CTNNA3: variants seen among roughly 807,000 people sequenced by gnomAD.
The protein encoded by CTNNA3 is catenin alpha-3.
A neutral mutation model predicts 95.7 loss-of-function variants in CTNNA3; 76 were observed. The ratio of observed to expected loss-of-function variants is 0.79; its 90% CI spans 0.66 to 0.96. The LOEUF (loss-of-function observed/expected upper bound fraction) is 0.96. Among genes scored for constraint, CTNNA3 ranks in the 40% least tolerant of loss-of-function variants. CTNNA3 has a pLI of 0.00. For missense variants in CTNNA3, 1,191 were observed against 1,089.8 expected, an observed-to-expected ratio of 1.09 and a Z score of -1.31; for synonymous variants, 431 against 374.4, an observed-to-expected ratio of 1.15 and a Z score of -1.74.
intron 7 of CTNNA3, among the ~76,000 whole-genome samples, chr10:67,042,882 A>T (rs1589650619): frequency 6.6e-6 from 1 of 152,164 alleles, no homozygotes; most frequent in East Asian, 1.9e-4. Context: ...GCAATAGACC[A>T]GAGGGTTTAA....
At chr10:67,689,553 G>A (rs560598295) in intron 1 of CTNNA3, among the ~76,000 whole-genome samples, 1 of 152,270 alleles carries the variant, frequency 6.6e-6, no homozygotes, top group Non-Finnish European at 1.5e-5. Flanking sequence ...GGACCCAGGA[G>A]GCAAGGGTCA....
intron 14 of CTNNA3, among the ~76,000 whole-genome samples, chr10:66,084,486 T>A (rs921385087): frequency 1.3e-5 from 2 of 152,186 alleles, no homozygotes; most frequent in African/African-American, 4.8e-5. Context: ...AAATTGAAGA[T>A]GATTTCTAAA....
At chr10:66,446,777 C>T (rs2093425326) in intron 11 of CTNNA3, among the ~76,000 whole-genome samples, 1 of 152,024 alleles carries the variant, frequency 6.6e-6, no homozygotes, top group Non-Finnish European at 1.5e-5. Flanking sequence ...GACAGGGATG[C>T]CCTCTCTCAC....
At chr10:66,310,404 C>T (rs1026721477) in intron 12 of CTNNA3, among the ~76,000 whole-genome samples, 12 of 152,220 alleles carry the variant, frequency 7.9e-5, no homozygotes, top group African/African-American at 2.9e-4. Flanking sequence ...TAGTTCAGTA[C>T]CCCACGATCC....
chr10:66,962,435 G>C (rs1382428554), intron 7 of CTNNA3, among the ~76,000 whole-genome samples: 1 of 149,222 alleles, frequency 6.7e-6, no homozygotes, highest in Non-Finnish European at 1.5e-5. Context: ...TTTTGAGACA[G>C]AGTCTCACTC....
At chr10:66,427,399 T>A (rs1432214018) in intron 11 of CTNNA3, among the ~76,000 whole-genome samples, 1 of 152,062 alleles carries the variant, frequency 6.6e-6, no homozygotes, top group Non-Finnish European at 1.5e-5. Context: ...TGTACTAGCC[T>A]TCCCCTAAGC....
At chr10:67,434,257 C>T (rs1846221603) in intron 5 of CTNNA3, among the ~76,000 whole-genome samples, 1 of 152,040 alleles carries the variant, frequency 6.6e-6, no homozygotes, top group East Asian at 1.9e-4. Context: ...TACCTCAACT[C>T]TCCATCTCAA....
intron 7 of CTNNA3, among the ~76,000 whole-genome samples, chr10:66,896,416 A>G (rs1845494746): frequency 6.6e-6 from 1 of 152,192 alleles, no homozygotes; most frequent in Non-Finnish European, 1.5e-5. Flanking sequence ...TAATTGGGCC[A>G]CAGCTTTGTT....
intron 7 of CTNNA3, among the ~76,000 whole-genome samples, chr10:67,021,091 T>A (rs1182013559): frequency 6.6e-6 from 1 of 152,160 alleles, no homozygotes; most frequent in Non-Finnish European, 1.5e-5. Context: ...ATACATTTTG[T>A]AACTATTACT....
chr10:66,266,095 G>A (rs2091144320), intron 13 of CTNNA3, among the ~76,000 whole-genome samples: 2 of 149,858 alleles, frequency 1.3e-5, no homozygotes, highest in Non-Finnish European at 3.0e-5. Context: ...GGGGGGGAGA[G>A]AAAGAGAGGG....
At chr10:67,670,802 A>T (rs1349216440) in intron 1 of CTNNA3, among the ~76,000 whole-genome samples, 1 of 152,162 alleles carries the variant, frequency 6.6e-6, no homozygotes, top group Non-Finnish European at 1.5e-5. Flanking sequence ...TATGGTAGTT[A>T]ATGGGTACAT....
chr10:67,465,208 G>A (rs529061183), intron 5 of CTNNA3, among the ~76,000 whole-genome samples: 4 of 151,622 alleles, frequency 2.6e-5, no homozygotes, highest in African/African-American at 7.2e-5. Context: ...TTTATAAAAG[G>A]ACCCTGTTTT....
intron 5 of CTNNA3, among the ~76,000 whole-genome samples, chr10:67,252,273 G>A (rs978383617): frequency 5.3e-5 from 8 of 151,618 alleles, no homozygotes. Context: ...CTATTACGTG[G>A]AGAATTAGAA....
intron 5 of CTNNA3, among the ~76,000 whole-genome samples, chr10:67,476,396 C>G (rs1334775255): frequency 6.6e-6 from 1 of 152,072 alleles, no homozygotes; most frequent in East Asian, 1.9e-4. Flanking sequence ...ACCCACTGTT[C>G]TTATGCAGAG....
intron 10 of CTNNA3, among the ~76,000 whole-genome samples, chr10:66,522,666 G>A (rs1444316152): frequency 6.6e-6 from 1 of 151,766 alleles, no homozygotes; most frequent in African/African-American, 2.4e-5. Context: ...GGATTACCCA[G>A]TCTCAGTTCT....
chr10:67,539,750 A>G, intron 3 of CTNNA3, 81 bp from the exon 4 acceptor site: 2 of 1,269,582 alleles, frequency 1.6e-6, no homozygotes, highest in Non-Finnish European at 1.1e-6. Context: ...ACCTAATTCC[A>G]AGTAAATTCC....
intron 7 of CTNNA3, among the ~76,000 whole-genome samples, chr10:67,131,784 C>G (rs939252946): frequency 2.0e-5 from 3 of 152,016 alleles, no homozygotes; most frequent in Non-Finnish European, 2.9e-5. Context: ...ATTAAACTCA[C>G]TGAAATTATG....
At chr10:66,777,732 G>A (rs542626462) in intron 7 of CTNNA3, among the ~76,000 whole-genome samples, 76 of 150,966 alleles carry the variant, frequency 5.0e-4, no homozygotes, top group South Asian at 2.1e-3. Flanking sequence ...ATAAAAAAGA[G>A]GCAGAAGTGG....
intron 13 of CTNNA3, among the ~76,000 whole-genome samples, chr10:66,242,964 C>A (rs1332871288): frequency 6.6e-6 from 1 of 152,114 alleles, no homozygotes; most frequent in Non-Finnish European, 1.5e-5. Context: ...AAATTCTAAG[C>A]CCCCTAACTG....
Sources: gnomAD v4.1 joint callset for allele counts (sites outside exome capture counted in the v4.1 genomes callset) on GRCh38, gnomAD v4.1.1 for gene constraint, MANE v1.5 for transcripts, NCBI Gene and HGNC (gene_info 2026-07-23, HGNC 2026-07-21) for gene names.